ELMO1: variants seen among roughly 807,000 people sequenced by gnomAD.
The protein encoded by ELMO1 is engulfment and cell motility 1.
ELMO1 carries 26 observed loss-of-function variants against 98.9 expected under a neutral mutation model. The ratio of observed to expected loss-of-function variants is 0.26; its 90% CI spans 0.19 to 0.36. The LOEUF (loss-of-function observed/expected upper bound fraction) is 0.36, where lower values mean the gene tolerates loss of function less well. Ranked by LOEUF, ELMO1 falls within the 10% of genes least tolerant of loss-of-function variation. The pLI is 1.00. For missense variants in ELMO1, 627 were observed against 935.2 expected, an observed-to-expected ratio of 0.67 and a Z score of 4.30; for synonymous variants, 346 against 346.0, an observed-to-expected ratio of 1.00 and a Z score of 0.00.
chr7:37,283,114 TC>T (rs1217961965), intron 4 of ELMO1, among the ~76,000 whole-genome samples: 1 of 152,100 alleles, frequency 6.6e-6, no homozygotes, highest in Non-Finnish European at 1.5e-5. Context: ...GGTAGACAGT[TC>T]CCAGGAGCCC....
intron 1 of ELMO1, among the ~76,000 whole-genome samples, chr7:37,352,209 C>T (rs918765510): frequency 3.9e-5 from 6 of 152,160 alleles, no homozygotes; most frequent in Non-Finnish European, 8.8e-5. Flanking sequence ...CATCCACATA[C>T]GGAACCCAGC....
At chr7:36,899,983 GT>G (rs1199648964) in intron 16 of ELMO1, among the ~76,000 whole-genome samples, 1 of 152,100 alleles carries the variant, frequency 6.6e-6, no homozygotes, top group Non-Finnish European at 1.5e-5. Context: ...AATTACATAT[GT>G]AAGAAGCTTC....
intron 16 of ELMO1, among the ~76,000 whole-genome samples, chr7:36,950,072 CT>C (rs766013696): frequency 6.6e-6 from 1 of 152,188 alleles, no homozygotes; most frequent in Non-Finnish European, 1.5e-5. Flanking sequence ...TCACTCACCA[CT>C]TTTTTTCAGC....
chr7:37,050,609 AACACACACACACACACAC>A (rs60918785), intron 15 of ELMO1, among the ~76,000 whole-genome samples: 162 of 129,604 alleles, frequency 1.2e-3, no homozygotes, highest in Non-Finnish European at 1.8e-3. Context: ...AGGTGCTCTG[AACACACACACACACACAC>A]ACACACACAC....
intron 15 of ELMO1, among the ~76,000 whole-genome samples, chr7:37,072,904 C>A (rs186027963): frequency 7.9e-5 from 12 of 152,314 alleles, no homozygotes; most frequent in Non-Finnish European, 8.8e-5. Context: ...ACCTTGAACT[C>A]TCAAGTTGAC....
Position 37,188,501 on chromosome 7 carries a change from A to ATAATAATAATAAT in ELMO1, c.1086+22884_1086+22885insATTATTATTATTA, listed in dbSNP as rs1554438184. Among the ~76,000 whole-genome samples the ATAATAATAATAAT allele has an allele frequency of 3.0e-4, 38 of 125,940 alleles. 2 individuals carry two copies. The highest frequency in any genetic ancestry group is 2.0e-3 in the Admixed American group (24 of 11,748). The allele number at this position is 125,940 out of a possible 152,430, so 82.6% of individuals were successfully genotyped here. Reference sequence around the variant, plus strand: ...CTGGAGAAAGGTAAAAAAAAAAAAAAAATAATAATAATAATAATAATAATA... The same window carrying ATAATAATAATAAT: ...CTGGAGAAAGGTAAAAAAAAAAAAAATAATAATAATAATAATAATAATAATAATAATAATAATA... On this transcript the variant is annotated intron_variant, in intron 13 of 21. Coordinates refer to ENST00000310758, the MANE Select transcript of ELMO1 (RefSeq NM_014800.11).
intron 4 of ELMO1, among the ~76,000 whole-genome samples, chr7:37,296,587 T>C (rs1798038775): frequency 6.6e-6 from 1 of 152,178 alleles, no homozygotes; most frequent in African/African-American, 2.4e-5. Context: ...CAGATCACAT[T>C]CAAGAGACAG....
chr7:37,184,960 A>C (rs924694799), intron 13 of ELMO1, among the ~76,000 whole-genome samples: 2 of 152,200 alleles, frequency 1.3e-5, no homozygotes, highest in Admixed American at 1.3e-4. Context: ...CTTGTTCTAC[A>C]TATTTGACTA....
At chr7:36,935,113 A>G (rs1786402642) in intron 16 of ELMO1, among the ~76,000 whole-genome samples, 1 of 152,080 alleles carries the variant, frequency 6.6e-6, no homozygotes, top group Non-Finnish European at 1.5e-5. Context: ...TGTGGAAGGG[A>G]CCCAGTGGGA....
intron 1 of ELMO1, among the ~76,000 whole-genome samples, chr7:37,360,387 G>A (rs1384733222): frequency 6.7e-6 from 1 of 150,222 alleles, no homozygotes; most frequent in Non-Finnish European, 1.5e-5. Flanking sequence ...GAAGTAACAC[G>A]GCTTAAAATG....
intron 1 of ELMO1, among the ~76,000 whole-genome samples, chr7:37,345,760 C>T (rs1196091871): frequency 6.6e-6 from 1 of 151,524 alleles, no homozygotes; most frequent in Non-Finnish European, 1.5e-5. Flanking sequence ...GAGGCCGAGG[C>T]AGGCAGATCA....
intron 4 of ELMO1, among the ~76,000 whole-genome samples, chr7:37,275,831 A>T (rs1206664438): frequency 6.6e-6 from 1 of 152,248 alleles, no homozygotes; most frequent in Admixed American, 6.5e-5. Context: ...GCAAACTCAG[A>T]AACAAAGGCA....
intron 15 of ELMO1, among the ~76,000 whole-genome samples, chr7:37,085,339 T>C (rs1053060251): frequency 6.6e-6 from 1 of 152,220 alleles, no homozygotes; most frequent in East Asian, 1.9e-4. Context: ...TTTGTTTTTT[T>C]ATTTTTTTTC....
At chr7:37,298,126 T>C (rs959627480) in intron 4 of ELMO1, among the ~76,000 whole-genome samples, 15 of 152,306 alleles carry the variant, frequency 9.8e-5, no homozygotes, top group Middle Eastern at 3.4e-3. Context: ...GAATGCTTTA[T>C]ACTAGTTGTA....
chr7:36,901,275 G>GGA (rs1391538299), intron 16 of ELMO1, among the ~76,000 whole-genome samples: 1 of 152,168 alleles, frequency 6.6e-6, no homozygotes, highest in African/African-American at 2.4e-5. Context: ...TTAAAATGAA[G>GGA]GAGAGAGAAA....
intron 11 of ELMO1, 31 bp downstream of exon 11, chr7:37,216,614 C>T: frequency 6.2e-7 from 1 of 1,613,364 alleles, no homozygotes; most frequent in Non-Finnish European, 8.5e-7. Flanking sequence ...ACTCCTCCCC[C>T]ACAAAGAGGT....
intron 14 of ELMO1, among the ~76,000 whole-genome samples, chr7:37,101,738 T>A (rs938780255): frequency 6.6e-6 from 1 of 151,746 alleles, no homozygotes. Context: ...CTTGCACTGG[T>A]TATTCTCTTA....
intron 16 of ELMO1, among the ~76,000 whole-genome samples, chr7:36,956,380 T>C (rs906116936): frequency 6.6e-6 from 1 of 152,226 alleles, no homozygotes; most frequent in Non-Finnish European, 1.5e-5. Flanking sequence ...ATTCTGCATA[T>C]GCCTTCTTGT....
intron 15 of ELMO1, among the ~76,000 whole-genome samples, chr7:37,082,636 T>C (rs990098286): frequency 3.3e-5 from 5 of 152,036 alleles, no homozygotes; most frequent in Admixed American, 2.0e-4. Flanking sequence ...GAGGCTGATA[T>C]GGGAGGATCA....
Sources: allele counts gnomAD v4.1 joint callset (sites outside exome capture counted in the v4.1 genomes callset), GRCh38; gene constraint gnomAD v4.1.1; transcripts MANE v1.5; gene names NCBI Gene and HGNC (gene_info 2026-07-23, HGNC 2026-07-21).